FOXP1: variants seen among roughly 807,000 people sequenced by gnomAD.
FOXP1 encodes the protein forkhead box P1.
A neutral mutation model predicts 98.2 loss-of-function variants in FOXP1; 15 were observed. The observed-to-expected ratio is 0.15, with a 90% CI of 0.10 to 0.24. FOXP1 has a LOEUF of 0.24. FOXP1 is among the 10% of genes least tolerant of loss of function. The pLI is 1.00. For missense variants in FOXP1, 633 were observed against 848.5 expected (o/e 0.75, Z 3.15); for synonymous variants, 371 against 314.5 (o/e 1.18, Z -1.90).
chr3:71,577,739 C>A (rs972832522), intron 2 of FOXP1, among the ~76,000 whole-genome samples: 3 of 151,890 alleles, frequency 2.0e-5, no homozygotes, highest in Non-Finnish European at 4.4e-5. Context: ...GCTGGCTTGT[C>A]TCACAAACTC....
chr3:71,328,969 C>T (rs2076095916), intron 4 of FOXP1, among the ~76,000 whole-genome samples: 1 of 87,678 alleles, frequency 1.1e-5, no homozygotes, highest in Admixed American at 1.4e-4. Context: ...GAAACTCCAT[C>T]TCGCTAAAAA....
chr3:71,040,117 CTGTG>C (rs374687973), intron 11 of FOXP1, among the ~76,000 whole-genome samples: 52 of 149,646 alleles, frequency 3.5e-4, no homozygotes, highest in Admixed American at 1.1e-3. Flanking sequence ...GTATGTATCT[CTGTG>C]TGTGTGTGTG....
chr3:71,054,600 C>T (rs1338606338), intron 7 of FOXP1, among the ~76,000 whole-genome samples: 1 of 152,176 alleles, frequency 6.6e-6, no homozygotes, highest in Admixed American at 6.5e-5. Context: ...AATGACAATG[C>T]TATGAATTCT....
intron 4 of FOXP1, among the ~76,000 whole-genome samples, chr3:71,303,439 T>C (rs1192292313): frequency 1.3e-5 from 2 of 152,142 alleles, no homozygotes; most frequent in Non-Finnish European, 2.9e-5. Context: ...AAACTTCCCA[T>C]ACCCCCAAAT....
At chr3:71,481,703 G>C (rs2090289553) in intron 3 of FOXP1, among the ~76,000 whole-genome samples, 1 of 152,000 alleles carries the variant, frequency 6.6e-6, no homozygotes, top group Non-Finnish European at 1.5e-5. Context: ...ATTCAAGTCA[G>C]TTTTATCATG....
intron 2 of FOXP1, among the ~76,000 whole-genome samples, chr3:71,565,893 C>T (rs182643740): frequency 1.3e-5 from 2 of 152,198 alleles, no homozygotes. Flanking sequence ...CCCCAGAAGT[C>T]ATTTGGGGTC....
chr3:71,111,859 T>A (rs979500707), intron 7 of FOXP1, among the ~76,000 whole-genome samples: 3 of 152,140 alleles, frequency 2.0e-5, no homozygotes, highest in Non-Finnish European at 4.4e-5. Context: ...TCTGAACATA[T>A]CCACTGAAGA....
intron 2 of FOXP1, among the ~76,000 whole-genome samples, chr3:71,507,383 G>GCCT (rs2041904394): frequency 6.6e-6 from 1 of 151,262 alleles, no homozygotes; most frequent in African/African-American, 2.4e-5. Flanking sequence ...GGTCACAAAG[G>GCCT]AATACATCAC....
rs548436618 is a variant in FOXP1, at chr3:71,531,826, G to T, written c.-297-38271C>A. Among the ~76,000 whole-genome samples the T allele has an allele frequency of 2.6e-5, 4 of 152,294 alleles. No individual in the cohort carries two copies. In the South Asian group the frequency reaches 8.3e-4, roughly 32 times the overall value. On this transcript the variant is annotated intron_variant, in intron 2 of 20. Transcript: ENST00000649528. ...CAGATCCTTCAACTACAGCGTTCTAGACCCAAGATTTTGTATCTTCCTACC... is the reference window on the plus strand; with the variant it reads ...CAGATCCTTCAACTACAGCGTTCTATACCCAAGATTTTGTATCTTCCTACC...
intron 5 of FOXP1, among the ~76,000 whole-genome samples, chr3:71,250,960 T>C (rs2068141631): frequency 6.6e-6 from 1 of 152,114 alleles, no homozygotes; most frequent in South Asian, 2.1e-4. Flanking sequence ...AAAAAAATGT[T>C]TTTGGTAATG....
At chr3:70,961,858 C>T (rs912261377) in intron 20 of FOXP1, among the ~76,000 whole-genome samples, 6 of 152,136 alleles carry the variant, frequency 3.9e-5, no homozygotes, top group Middle Eastern at 3.4e-3. Context: ...CCCAGGAGTT[C>T]GAGTCCAGCC....
chr3:71,026,086 A>G (rs910122940), intron 11 of FOXP1, among the ~76,000 whole-genome samples: 6 of 152,224 alleles, frequency 3.9e-5, no homozygotes. Context: ...TAATATGCAC[A>G]CACTCAGTGG....
At chr3:71,490,004 C>T (rs1443059956) in intron 3 of FOXP1, among the ~76,000 whole-genome samples, 1 of 152,176 alleles carries the variant, frequency 6.6e-6, no homozygotes, top group Non-Finnish European at 1.5e-5. Context: ...CTAAAGACTC[C>T]AAATTGTCAG....
intron 3 of FOXP1, among the ~76,000 whole-genome samples, chr3:71,465,304 T>C (rs1404266430): frequency 8.4e-6 from 1 of 118,710 alleles, no homozygotes; most frequent in Non-Finnish European, 1.8e-5. Context: ...TGAAACTCTG[T>C]CTCAGAAAAA....
At chr3:71,350,979 C>G (rs946206413) in intron 4 of FOXP1, among the ~76,000 whole-genome samples, 1 of 152,156 alleles carries the variant, frequency 6.6e-6, no homozygotes, top group Non-Finnish European at 1.5e-5. Flanking sequence ...CCTGCTCCAG[C>G]TCCAGTAAGT....
At chr3:71,534,923 A>G (rs555353549) in intron 2 of FOXP1, among the ~76,000 whole-genome samples, 1 of 152,350 alleles carries the variant, frequency 6.6e-6, no homozygotes, top group Admixed American at 6.5e-5. Context: ...AGGGACACAT[A>G]CGTGGCCAAG....
chr3:71,003,568 G>A (rs1039079488), intron 12 of FOXP1, among the ~76,000 whole-genome samples: 1 of 152,064 alleles, frequency 6.6e-6, no homozygotes, highest in African/African-American at 2.4e-5. Flanking sequence ...AATTATGCGT[G>A]ATTATTTTAT....
At chr3:70,976,255 C>T (rs747834691) in intron 17 of FOXP1, among the ~76,000 whole-genome samples, 12 of 151,680 alleles carry the variant, frequency 7.9e-5, no homozygotes, top group African/African-American at 1.5e-4. Flanking sequence ...GGTCTCGCTA[C>T]GTTGCCCAGG....
chr3:70,974,000 T>C (rs1019584298), intron 17 of FOXP1, among the ~76,000 whole-genome samples: 1 of 152,156 alleles, frequency 6.6e-6, no homozygotes, highest in Non-Finnish European at 1.5e-5. Flanking sequence ...TGATTTTTCT[T>C]TTCTGATATG....
Sources: allele counts gnomAD v4.1 joint callset (sites outside exome capture counted in the v4.1 genomes callset), GRCh38; gene constraint gnomAD v4.1.1; transcripts MANE v1.5; gene names NCBI Gene and HGNC (gene_info 2026-07-23, HGNC 2026-07-21).